The following BICRAL variants were observed in gnomAD, a reference collection of about 807,000 sequenced individuals.
The protein encoded by BICRAL is BICRA like chromatin remodeling complex associated protein, also known as BRD4-interacting chromatin-remodeling complex-associated protein-like.
A neutral mutation model predicts 91.8 loss-of-function variants in BICRAL; 8 were observed. The observed-to-expected ratio is 0.09, with a 90% CI of 0.05 to 0.16. The LOEUF (loss-of-function observed/expected upper bound fraction) is 0.16, where lower values mean the gene tolerates loss of function less well. Among genes scored for constraint, BICRAL ranks in the 10% least tolerant of loss-of-function variants. The pLI, the probability that BICRAL is intolerant of heterozygous loss-of-function variation, is 1.00. For synonymous variants in BICRAL, 445 were observed against 491.1 expected (o/e 0.91, Z 1.24); for missense variants, 1,038 against 1,310.9 (o/e 0.79, Z 3.21).
At chr6:42,766,570 C>T (rs188418556) in intron 1 of BICRAL, among the ~76,000 whole-genome samples, 68 of 152,120 alleles carry the variant, frequency 4.5e-4, no homozygotes, top group Non-Finnish European at 6.8e-4. Context: ...AGGCCTGGCA[C>T]AGTGGGTCAC....
chr6:42,818,653 A>G (rs1050712223), intron 2 of BICRAL, among the ~76,000 whole-genome samples: 7 of 142,606 alleles, frequency 4.9e-5, no homozygotes, highest in African/African-American at 1.9e-4. Context: ...CAAGATTGTT[A>G]AAAAAAAAAA....
Position 42,829,708 on chromosome 6 carries a change from A to G in BICRAL, c.1375A>G (p.Thr459Ala). Reference protein sequence around the residue: ...SNMLRTNQPYTGPMLNNQNTA... With the variant: ...SNMLRTNQPYAGPMLNNQNTA... ...CATGCTCAGGACCAACCAACCATAT[A>G]CTGGACCGATGCTTAACAACCAGAA... Residue 459 changes from threonine to alanine, a missense_variant, in exon 6 of 13, where the codon ACT (threonine) becomes GCT (alanine). This residue lies in a region of BICRAL where 532 missense variants were observed against 724.9 expected (regional missense o/e 0.73). Transcript: ENST00000314073. The G allele has an allele frequency of 2.5e-6, 4 of 1,614,128 alleles. No individual in the cohort carries two copies. The highest frequency in any genetic ancestry group is 3.4e-6 in the Non-Finnish European group (4 of 1,180,008).
chr6:42,828,927 C>T lies in BICRAL; in HGVS notation c.594C>T (p.Ser198=). The T allele has an allele frequency of 6.2e-7, 1 of 1,613,980 alleles. No individual in the cohort carries two copies. Among genetic ancestry groups the T allele is most frequent in the East Asian group, 2.2e-5 (1 of 44,892 alleles). The change falls in exon 6 of 13, where the codon AGC becomes AGT. Residue 198 remains serine (S), a synonymous_variant. Coordinates refer to ENST00000314073, the MANE Select transcript of BICRAL (RefSeq NM_001393499.1). ...AACATGTGGGGATCAGTGTTCCCAG[C>T]CAGCATTTGTCTAATAGCAGTCAGA... The part of the protein sequence containing the change: ...FMQHVGISVP[S]QHLSNSSQIS...
chr6:42,863,049 CTTTT>C (rs34653827), intron 12 of BICRAL, among the ~76,000 whole-genome samples: 5 of 130,678 alleles, frequency 3.8e-5, no homozygotes, highest in Non-Finnish European at 4.9e-5. Context: ...ATGGACATTT[CTTTT>C]TTTTTTTTTT....
chr6:42,822,713 T>C (rs1467453849), intron 3 of BICRAL, 83 bp from the exon 4 acceptor site: 3 of 712,614 alleles, frequency 4.2e-6, no homozygotes, highest in Non-Finnish European at 7.2e-6. Flanking sequence ...AATCATTTTC[T>C]TTCTACTCTA....
At chr6:42,842,392 C>T (rs1764825617) in intron 6 of BICRAL, among the ~76,000 whole-genome samples, 1 of 152,158 alleles carries the variant, frequency 6.6e-6, no homozygotes, top group Non-Finnish European at 1.5e-5. Context: ...ATTAATCCTC[C>T]TAAAATATTT....
At chr6:42,848,166 C>T (rs905739870) in intron 6 of BICRAL, among the ~76,000 whole-genome samples, 14 of 150,492 alleles carry the variant, frequency 9.3e-5, no homozygotes, top group African/African-American at 3.4e-4. Flanking sequence ...AAAAGAAAAT[C>T]GCTTGAACCC....
upstream of BICRAL, among the ~76,000 whole-genome samples, chr6:42,778,752 G>A (rs772723638): frequency 5.3e-5 from 8 of 152,018 alleles, no homozygotes; most frequent in South Asian, 2.1e-4. Flanking sequence ...AGGCTGAGGC[G>A]GAAGGATCAC....
At chr6:42,809,453 TGAG>T (rs1763796716) in intron 1 of BICRAL, among the ~76,000 whole-genome samples, 1 of 147,094 alleles carries the variant, frequency 6.8e-6, no homozygotes. Context: ...TTTTTTTTTT[TGAG>T]ACAGAGTTTC....
At chr6:42,805,425 A>C (rs1763677412) in intron 1 of BICRAL, among the ~76,000 whole-genome samples, 1 of 152,112 alleles carries the variant, frequency 6.6e-6, no homozygotes, top group Non-Finnish European at 1.5e-5. Context: ...TATAGGAATA[A>C]CCTGGTCTCC....
At position 42,829,729 on chromosome 6, in the gene BICRAL, C is replaced by G. The variant is rs1171972547; in HGVS notation, c.1396C>G (p.Gln466Glu). 3 of 1,614,016 alleles carry G rather than the reference C, an allele frequency of 1.9e-6. No individual in the cohort carries two copies. Among genetic ancestry groups the G allele is most frequent in the Non-Finnish European group, 2.5e-6 (3 of 1,179,994 alleles). ...QPYTGPMLNN[Q>E]NTAVHLVSGQ... ...ATATACTGGACCGATGCTTAACAAC[C>G]AGAATACTGCTGTCCACTTAGTGTC... The change falls in exon 6 of 13, where the codon CAG becomes GAG. Residue 466 changes from glutamine to glutamate, a missense_variant. Around this residue, in one of 5 missense-constraint regions of BICRAL, gnomAD observed 532 missense variants for 724.9 expected, o/e 0.73. Transcript: ENST00000314073.
chr6:42,794,502 C>T (rs1479171367), intron 1 of BICRAL, among the ~76,000 whole-genome samples: 2 of 151,554 alleles, frequency 1.3e-5, no homozygotes, highest in African/African-American at 4.8e-5. Context: ...AGTAATCCTC[C>T]TGCTTCCCCT....
At chr6:42,808,587 C>T (rs1000964718) in intron 1 of BICRAL, among the ~76,000 whole-genome samples, 2 of 152,150 alleles carry the variant, frequency 1.3e-5, no homozygotes, top group Non-Finnish European at 2.9e-5. Flanking sequence ...TCATGGACTT[C>T]TGGGAGTTTG....
At chr6:42,763,419 A>C (rs772815302) in intron 1 of BICRAL, among the ~76,000 whole-genome samples, 1 of 152,262 alleles carries the variant, frequency 6.6e-6, no homozygotes, top group African/African-American at 2.4e-5. Flanking sequence ...GTTGAAAGTT[A>C]AATAAGAAGC....
Position 42,852,294 on chromosome 6 carries a change from T to C in BICRAL, c.1945+97T>C, listed in dbSNP as rs1481151664. Reference sequence around the variant, plus strand: ...TCTGCACGAAAGCTTTCTGGCTTAATCTCGTCTCCACTCCGATTATTCCTT... The same window carrying C: ...TCTGCACGAAAGCTTTCTGGCTTAACCTCGTCTCCACTCCGATTATTCCTT... On this transcript the variant is annotated intron_variant, in intron 7 of 12. Coordinates refer to ENST00000314073, the MANE Select transcript of BICRAL (RefSeq NM_001393499.1). The C allele has an allele frequency of 7.9e-6, 6 of 757,422 alleles. No individual in the cohort carries two copies. In the African/African-American group the frequency reaches 8.6e-5, roughly 11 times the overall value. The allele number at this position is 757,422 out of a possible 1,614,324, so 46.9% of individuals were successfully genotyped here. A position where few individuals can be genotyped will look rare whatever the true frequency, so the allele number is the denominator to read the frequency against.
chr6:42,764,059 T>A (rs1304848358), intron 1 of BICRAL, among the ~76,000 whole-genome samples: 1 of 145,748 alleles, frequency 6.9e-6, no homozygotes, highest in Admixed American at 6.9e-5. Context: ...CTGGCCAACA[T>A]GGTGAAACCC....
chr6:42,749,406 G>A (rs1762340229), intron 1 of BICRAL, among the ~76,000 whole-genome samples: 1 of 152,194 alleles, frequency 6.6e-6, no homozygotes, highest in Non-Finnish European at 1.5e-5. Context: ...GAGATGAAGT[G>A]AGATTGGTTA....
chr6:42,827,965 G>A (rs1014444952), intron 5 of BICRAL, among the ~76,000 whole-genome samples: 3 of 152,064 alleles, frequency 2.0e-5, no homozygotes, highest in East Asian at 3.9e-4. Flanking sequence ...CAGTATGTTC[G>A]CATTATCTGT....
At chr6:42,847,426 G>A (rs2015122342) in intron 6 of BICRAL, among the ~76,000 whole-genome samples, 1 of 152,040 alleles carries the variant, frequency 6.6e-6, no homozygotes, top group Admixed American at 6.6e-5. Context: ...TGCATCTGTT[G>A]ATACAATCAT....
Sources: allele counts gnomAD v4.1 joint callset (sites outside exome capture counted in the v4.1 genomes callset), GRCh38; gene constraint gnomAD v4.1.1; regional missense constraint gnomAD v4.1.1; transcripts MANE v1.5; gene names NCBI Gene and HGNC (gene_info 2026-07-23, HGNC 2026-07-21).